The following SEPTIN14 variants were observed in gnomAD, a reference collection of about 807,000 sequenced individuals.
The protein encoded by SEPTIN14 is septin 14.
Under a neutral mutation model 53.6 loss-of-function variants are expected in SEPTIN14, and 40 were observed. The observed-to-expected ratio is 0.75, with a 90% CI of 0.58 to 0.97. The LOEUF (loss-of-function observed/expected upper bound fraction) is 0.97, where lower values mean the gene tolerates loss of function less well. Ranked by LOEUF, SEPTIN14 falls within the 50% of genes least tolerant of loss-of-function variation. The pLI is 0.00. For synonymous variants in SEPTIN14, 138 were observed against 166.8 expected, an observed-to-expected ratio of 0.83 and a Z score of 1.33; for missense variants, 471 against 508.2, an observed-to-expected ratio of 0.93 and a Z score of 0.70.
intron 5 of SEPTIN14, 103 bp from the exon 6 acceptor site, chr7:55,834,689 C>T: frequency 1.1e-6 from 1 of 903,802 alleles, no homozygotes; most frequent in Non-Finnish European, 1.7e-6. Context: ...GTCGCCCAGG[C>T]TGGAGTGCAG....
chr7:55,861,993 C>T lies in SEPTIN14; in HGVS notation c.4G>A (p.Ala2Thr), dbSNP rs114015652. 6,053 of 1,576,638 alleles carry T rather than the reference C, an allele frequency of 3.8e-3. 55 individuals are homozygous for T. Among genetic ancestry groups the T allele is most frequent in the African/African-American group, 0.03 (2,206 of 73,430 alleles). The change falls in exon 2 of 10, where the codon GCA (alanine) becomes ACA (threonine). Residue 2 changes from alanine to threonine, a missense_variant. By Grantham distance (58) the Ala-to-Thr change is moderately conservative. Transcript: ENST00000388975. M[A>T]ERTMAMPTQI... ...GTGGGCATAGCCATTGTTCTTTCTG[C>T]CATGCTACACTAAAAGAGCTGGAAA... is the stretch of plus-strand genomic sequence containing the variant.
intron 6 of SEPTIN14, among the ~76,000 whole-genome samples, chr7:55,824,491 A>AT (rs913311143): frequency 6.6e-5 from 10 of 151,958 alleles, no homozygotes; most frequent in African/African-American, 2.2e-4. Context: ...AAACTCAGTA[A>AT]TTTTTTTTAG....
chr7:55,853,183 T>C (rs1223003950), intron 2 of SEPTIN14, among the ~76,000 whole-genome samples: 2 of 152,190 alleles, frequency 1.3e-5, no homozygotes, highest in African/African-American at 2.4e-5. Context: ...GCTAGGTATA[T>C]ACCCAAAAGA....
chr7:55,857,404 AAGAGAAGAGAAAGAAGAG>A (rs1210279778), intron 2 of SEPTIN14, among the ~76,000 whole-genome samples: 1 of 145,318 alleles, frequency 6.9e-6, no homozygotes, highest in East Asian at 2.1e-4. Flanking sequence ...AAGAGAAGAG[AAGAGAAGAGAAAGAAGAG>A]AGAGAAGAGA....
In SEPTIN14 at chr7:55,794,392, T is replaced by C. The variant is rs1788391034; in HGVS notation, c.*1521A>G. ...AGTTACATTAATTATCTTTTGAAAG[T>C]CAATAATCTACATTTTTAATGTATG... On this transcript the variant is annotated 3_prime_UTR_variant, in exon 10 of 10. Coordinates refer to ENST00000388975, the MANE Select transcript of SEPTIN14 (RefSeq NM_207366.3). 1 of 152,190 alleles carries C rather than the reference T, an allele frequency of 6.6e-6. No homozygotes were observed. Among genetic ancestry groups the C allele is most frequent in the African/African-American group, 2.4e-5 (1 of 41,458 alleles). 9.4% of individuals were successfully genotyped at this position (152,190 alleles called of 1,614,324 possible).
At chr7:55,834,874 T>C (rs1789176215) in intron 5 of SEPTIN14, among the ~76,000 whole-genome samples, 1 of 152,140 alleles carries the variant, frequency 6.6e-6, no homozygotes, top group Non-Finnish European at 1.5e-5. Context: ...CTCAATCTCC[T>C]GACCTCGTGA....
Position 55,793,748 on chromosome 7 carries a change from T to A in SEPTIN14, c.*2165A>T, listed in dbSNP as rs1441668763. 1 of 152,074 alleles carries A rather than the reference T, an allele frequency of 6.6e-6. No individual in the cohort carries two copies. The highest frequency in any genetic ancestry group is 2.4e-5 in the African/African-American group (1 of 41,420). 9.4% of individuals were successfully genotyped at this position (152,074 alleles called of 1,614,324 possible). A position where few individuals can be genotyped will look rare whatever the true frequency, so the allele number is the denominator to read the frequency against. On this transcript the variant is annotated 3_prime_UTR_variant, in exon 10 of 10. Coordinates refer to ENST00000388975, the MANE Select transcript of SEPTIN14 (RefSeq NM_207366.3). The stretch of plus-strand genomic sequence containing the variant: ...TAAATTCAAATCAGAATGTTATAAC[T>A]CCAGGATGTTATATGTAATTTTCAT...
At chr7:55,814,677 C>A (rs1052311587) in intron 7 of SEPTIN14, among the ~76,000 whole-genome samples, 2 of 152,146 alleles carry the variant, frequency 1.3e-5, no homozygotes, top group South Asian at 2.1e-4. Flanking sequence ...AAACACAGTT[C>A]ATGTTCATGG....
chr7:55,842,723 T>C (rs939009707), intron 5 of SEPTIN14, among the ~76,000 whole-genome samples: 1 of 151,818 alleles, frequency 6.6e-6, no homozygotes, highest in Admixed American at 6.6e-5. Context: ...CCATCCTGGC[T>C]AACATGGTGA....
intron 6 of SEPTIN14, among the ~76,000 whole-genome samples, chr7:55,827,453 A>G (rs552453437): frequency 2.0e-5 from 3 of 152,258 alleles, no homozygotes; most frequent in African/African-American, 7.2e-5. Context: ...AGAGTCATGA[A>G]CTCTGGGACA....
At position 55,832,239 on chromosome 7, in the gene SEPTIN14, AC is replaced by A. The variant is rs1213946071; in HGVS notation, c.720+2185del. The stretch of plus-strand genomic sequence containing the variant: ...CACACACACACACACACACACACAC[AC>A]ACACAAAATAAGATATAAACACAAC... On this transcript the variant is annotated intron_variant, in intron 6 of 9. Coordinates refer to ENST00000388975, the MANE Select transcript of SEPTIN14 (RefSeq NM_207366.3). Among the ~76,000 whole-genome samples the A allele has an allele frequency of 8.7e-5, 13 of 149,858 alleles. No homozygotes were observed. In the East Asian group the frequency reaches 1.2e-3, roughly 13 times the overall value.
In SEPTIN14 at chr7:55,819,316, G is replaced by A. The variant is rs190669067; in HGVS notation, c.721-93C>T. 1,386 of 951,650 alleles carry A rather than the reference G, an allele frequency of 1.5e-3. 6 individuals are homozygous for A. Among genetic ancestry groups the A allele is most frequent in the African/African-American group, 0.012 (713 of 61,342 alleles). The allele number at this position is 951,650 out of a possible 1,614,324, so 59.0% of individuals were successfully genotyped here. A position where few individuals can be genotyped will look rare whatever the true frequency, so the allele number is the denominator to read the frequency against. On this transcript the variant is annotated intron_variant, in intron 6 of 9. Coordinates refer to ENST00000388975, the MANE Select transcript of SEPTIN14 (RefSeq NM_207366.3). ...CCTGTTATAAAAATGACAGGCCAGC[G>A]CGGTGGCTCATGCCTGTAATCCCAG...
intron 7 of SEPTIN14, among the ~76,000 whole-genome samples, chr7:55,808,545 G>A (rs1166273364): frequency 1.3e-5 from 2 of 152,070 alleles, no homozygotes. Context: ...AAAGTAGTTT[G>A]ATAATTTCTT....
intron 5 of SEPTIN14, among the ~76,000 whole-genome samples, chr7:55,835,835 C>T (rs1020705848): frequency 2.0e-5 from 3 of 152,054 alleles, no homozygotes; most frequent in East Asian, 1.9e-4. Context: ...GTCTGCCTCC[C>T]GGGTTCAAGC....
At chr7:55,803,087 G>A (rs1267264014) in intron 9 of SEPTIN14, among the ~76,000 whole-genome samples, 1 of 152,000 alleles carries the variant, frequency 6.6e-6, no homozygotes. Context: ...ACAGGCGTGT[G>A]CCACCACATC....
At chr7:55,811,146 G>T in intron 7 of SEPTIN14, 1 of 486,632 alleles carries the variant, frequency 2.1e-6, no homozygotes, top group Admixed American at 2.4e-5. Context: ...AGCTGTTGCT[G>T]CCTCTTCCAA....
In SEPTIN14 at chr7:55,795,754, C is replaced by T; in HGVS notation, c.*159G>A. Reference sequence around the variant, plus strand: ...AAGTGCTGGGATTACAGGCATGAGCCACCACACCCCGCTAGGAGTTCACAC... The same window carrying T: ...AAGTGCTGGGATTACAGGCATGAGCTACCACACCCCGCTAGGAGTTCACAC... On this transcript the variant is annotated 3_prime_UTR_variant, in exon 10 of 10. Transcript: ENST00000388975. 1.6e-6 allele frequency: 1 copy of T among 629,510 alleles called. No homozygotes were observed. 39.0% of individuals were successfully genotyped at this position (629,510 alleles called of 1,614,324 possible).
intron 7 of SEPTIN14, among the ~76,000 whole-genome samples, chr7:55,817,803 A>G (rs143863228): frequency 6.6e-6 from 1 of 152,244 alleles, no homozygotes; most frequent in Non-Finnish European, 1.5e-5. Context: ...GCTAAGATAG[A>G]TGTTAAGTTT....
chr7:55,817,713 G>A (rs938932900), intron 7 of SEPTIN14, among the ~76,000 whole-genome samples: 5 of 151,878 alleles, frequency 3.3e-5, no homozygotes, highest in South Asian at 2.1e-4. Flanking sequence ...CTCATGATCC[G>A]CCCGCTTCAG....
Sources: gnomAD v4.1 joint callset for allele counts (sites outside exome capture counted in the v4.1 genomes callset) on GRCh38, gnomAD v4.1.1 for gene constraint, MANE v1.5 for transcripts, NCBI Gene and HGNC (gene_info 2026-07-23, HGNC 2026-07-21) for gene names.